The following ABLIM1 variants were observed in gnomAD, a reference collection of about 807,000 sequenced individuals.
ABLIM1 encodes actin binding LIM protein 1.
ABLIM1 carries 40 observed loss-of-function variants against 107.0 expected under a neutral mutation model. That is an observed-to-expected ratio of 0.37 (90% CI 0.29 to 0.49). ABLIM1 has a LOEUF of 0.49. Among genes scored for constraint, ABLIM1 ranks in the 20% least tolerant of loss-of-function variants. The pLI, the probability that ABLIM1 is intolerant of heterozygous loss-of-function variation, is 0.97. For missense variants in ABLIM1, 857 were observed against 1,008.5 expected (o/e 0.85, Z 2.04); for synonymous variants, 357 against 357.3 (o/e 1.00, Z 0.01).
chr10:114,547,830 G>C, intron 4 of ABLIM1, 54 bp from the exon 5 acceptor site: 1 of 1,586,502 alleles, frequency 6.3e-7, no homozygotes, highest in Non-Finnish European at 8.5e-7. Flanking sequence ...CTAAATCCAA[G>C]CAGGCAGCCC....
At chr10:114,747,684 T>C (rs1033559736) in intron 1 of ABLIM1, among the ~76,000 whole-genome samples, 1 of 152,262 alleles carries the variant, frequency 6.6e-6, no homozygotes, top group South Asian at 2.1e-4. Flanking sequence ...TTTACAATTC[T>C]AATTGCTTTC....
intron 1 of ABLIM1, among the ~76,000 whole-genome samples, chr10:114,682,673 C>T (rs553924785): frequency 3.0e-4 from 45 of 152,212 alleles, no homozygotes; most frequent in Non-Finnish European, 5.1e-4. Flanking sequence ...TCTAGAGATA[C>T]GGTTTCTGTA....
At chr10:114,695,874 C>G (rs966890622) in intron 1 of ABLIM1, among the ~76,000 whole-genome samples, 5 of 152,130 alleles carry the variant, frequency 3.3e-5, no homozygotes, top group African/African-American at 1.2e-4. Flanking sequence ...ATGTCAGTTT[C>G]TTTGGGAAAA....
At chr10:114,704,298 C>CTATATATATA (rs1368796727) in intron 1 of ABLIM1, among the ~76,000 whole-genome samples, 2 of 28,728 alleles carry the variant, frequency 7.0e-5, no homozygotes, top group Admixed American at 3.2e-4. Context: ...CTCTCTCTCT[C>CTATATATATA]TCTCTATATA....
chr10:114,678,073 T>C (rs146278512), intron 1 of ABLIM1, among the ~76,000 whole-genome samples: 221 of 152,348 alleles, frequency 1.5e-3, no homozygotes, highest in African/African-American at 5.2e-3. Context: ...ATCTAGGTCA[T>C]ATCAATCAAA....
the ABLIM1 span, among the ~76,000 whole-genome samples, chr10:114,796,342 T>TG: frequency 6.6e-6 from 1 of 152,148 alleles, no homozygotes; most frequent in African/African-American, 2.4e-5. Context: ...TGACTGGAGC[T>TG]GGGGGATCTA....
At chr10:114,497,504 C>T (rs564500581) in intron 6 of ABLIM1, among the ~76,000 whole-genome samples, 1 of 151,958 alleles carries the variant, frequency 6.6e-6, no homozygotes, top group Admixed American at 6.6e-5. Flanking sequence ...ACGGTGAAAC[C>T]CCGTTTCTAC....
chr10:114,749,136 A>C (rs1378433566), intron 1 of ABLIM1, among the ~76,000 whole-genome samples: 1 of 152,190 alleles, frequency 6.6e-6, no homozygotes, highest in Admixed American at 6.5e-5. Flanking sequence ...ATTTATGGTC[A>C]GACACCTTGC....
intron 1 of ABLIM1, chr10:114,632,029 G>A (rs2078216380): frequency 7.8e-7 from 1 of 1,277,132 alleles, no homozygotes; most frequent in Non-Finnish European, 1.0e-6. Context: ...GCCAGGAGAA[G>A]CCCCGGCATC....
At position 114,549,668 on chromosome 10, in the gene ABLIM1, C is replaced by G. The variant is rs187964066; in HGVS notation, c.674-1892G>C. ...AAGCACATATGTGCATGCATATGTT[C>G]CCTACAGCATTTCTCTAATAACAAA... On this transcript the variant is annotated intron_variant, in intron 4 of 22. Coordinates refer to ENST00000533213, the MANE Select transcript of ABLIM1 (RefSeq NM_002313.7). 4.6e-5 allele frequency among the ~76,000 whole-genome samples: 7 copies of G among 152,202 alleles called. No individual in the cohort carries two copies. In the East Asian group the frequency reaches 1.4e-3, roughly 29 times the overall value.
intron 6 of ABLIM1, chr10:114,527,038 G>T: frequency 3.2e-6 from 3 of 924,836 alleles, no homozygotes; most frequent in Non-Finnish European, 3.9e-6. Context: ...AGGTAGGAAA[G>T]TACCATTTCT....
chr10:114,682,025 C>T (rs1009494978), intron 1 of ABLIM1, among the ~76,000 whole-genome samples: 5 of 152,242 alleles, frequency 3.3e-5, no homozygotes. Flanking sequence ...CATTTTCCCT[C>T]TTTTTGGAAA....
intron 1 of ABLIM1, among the ~76,000 whole-genome samples, chr10:114,740,742 T>C (rs1309498100): frequency 6.6e-6 from 1 of 152,036 alleles, no homozygotes; most frequent in African/African-American, 2.4e-5. Context: ...GAAAGCAGTC[T>C]TTAGAAATAA....
At chr10:114,561,022 A>T (rs989279566) in intron 4 of ABLIM1, among the ~76,000 whole-genome samples, 2 of 152,266 alleles carry the variant, frequency 1.3e-5, no homozygotes, top group African/African-American at 4.8e-5. Context: ...CGTTCAATTT[A>T]AAATGGTCAA....
intron 9 of ABLIM1, among the ~76,000 whole-genome samples, chr10:114,473,569 T>C (rs1179160807): frequency 6.6e-6 from 1 of 151,132 alleles, no homozygotes; most frequent in Non-Finnish European, 1.5e-5. Context: ...AATCCCCAAA[T>C]ATCTATATGC....
At chr10:114,518,799 T>C (rs1459532176) in intron 6 of ABLIM1, among the ~76,000 whole-genome samples, 1 of 148,036 alleles carries the variant, frequency 6.8e-6, no homozygotes, top group Non-Finnish European at 1.5e-5. Flanking sequence ...ATTTATTTAT[T>C]TACGATGAGC....
At chr10:114,502,949 T>C (rs1182461658) in intron 6 of ABLIM1, among the ~76,000 whole-genome samples, 1 of 152,218 alleles carries the variant, frequency 6.6e-6, no homozygotes, top group Non-Finnish European at 1.5e-5. Flanking sequence ...CCAATCACTA[T>C]GTTGACTTCT....
intron 1 of ABLIM1, among the ~76,000 whole-genome samples, chr10:114,643,163 A>T (rs770509397): frequency 1.3e-5 from 2 of 152,250 alleles, no homozygotes; most frequent in Non-Finnish European, 2.9e-5. Context: ...AGTGAATTCA[A>T]TTAAATAGGA....
In ABLIM1 at chr10:114,515,561, T is replaced by C. The variant is rs542908114; in HGVS notation, c.895-23683A>G. On this transcript the variant is annotated intron_variant, in intron 6 of 22. Coordinates refer to ENST00000533213, the MANE Select transcript of ABLIM1 (RefSeq NM_002313.7). ...CCTGTCCCCTCCAGCGGCTTGGCTA[T>C]GTGAGCCTCTTTTCTGCTTCAGCTG... 6.6e-5 allele frequency among the ~76,000 whole-genome samples: 10 copies of C among 152,350 alleles called. No individual in the cohort carries two copies. In the East Asian group the frequency reaches 1.2e-3, roughly 18 times the overall value.
Sources: allele counts gnomAD v4.1 joint callset (sites outside exome capture counted in the v4.1 genomes callset), GRCh38; gene constraint gnomAD v4.1.1; transcripts MANE v1.5; gene names NCBI Gene and HGNC (gene_info 2026-07-23, HGNC 2026-07-21).